The following DLG1 variants were observed in gnomAD, a reference collection of about 807,000 sequenced individuals.
DLG1 encodes the protein discs large MAGUK scaffold protein 1, also known as disks large homolog 1.
DLG1 carries 42 observed loss-of-function variants against 123.4 expected under a neutral mutation model. The ratio of observed to expected loss-of-function variants is 0.34; its 90% confidence interval spans 0.27 to 0.44. The LOEUF is 0.44. Among genes scored for constraint, DLG1 ranks in the 20% least tolerant of loss-of-function variants. DLG1 has a pLI of 1.00. For missense variants in DLG1, 942 were observed against 1,082.6 expected (o/e 0.87, Z 1.82); for synonymous variants, 317 against 356.2 (o/e 0.89, Z 1.24).
At chr3:197,134,620 G>C (rs1243690165) in intron 10 of DLG1, among the ~76,000 whole-genome samples, 1 of 152,196 alleles carries the variant, frequency 6.6e-6, no homozygotes, top group African/African-American at 2.4e-5. Context: ...TTGCTCAGTG[G>C]AGAGTCCTGA....
chr3:197,171,311 T>G (rs562324992), intron 5 of DLG1, among the ~76,000 whole-genome samples: 182 of 152,276 alleles, frequency 1.2e-3, no homozygotes, highest in African/African-American at 4.2e-3. Flanking sequence ...TTTAAATCTG[T>G]TTTTTTATTC....
At chr3:197,205,100 T>C (rs538867183) in intron 4 of DLG1, among the ~76,000 whole-genome samples, 5 of 152,282 alleles carry the variant, frequency 3.3e-5, no homozygotes, top group Admixed American at 2.0e-4. Context: ...GATAAAGCTA[T>C]ACATGTGAAA....
chr3:197,143,993 T>C (rs575826320), intron 6 of DLG1, among the ~76,000 whole-genome samples: 7 of 152,312 alleles, frequency 4.6e-5, no homozygotes, highest in African/African-American at 1.7e-4. Context: ...TCCTTTAAAA[T>C]TTCTCGTGAT....
intron 23 of DLG1, among the ~76,000 whole-genome samples, chr3:197,056,274 T>G (rs1731614704): frequency 6.6e-6 from 1 of 152,190 alleles, no homozygotes; most frequent in Non-Finnish European, 1.5e-5. Flanking sequence ...AACTGATTAG[T>G]TTTTAAATGC....
intron 5 of DLG1, among the ~76,000 whole-genome samples, chr3:197,173,305 G>T (rs1001947860): frequency 6.6e-6 from 1 of 152,144 alleles, no homozygotes; most frequent in South Asian, 2.1e-4. Flanking sequence ...TGATAAAGAT[G>T]ATGATGACCT....
At chr3:197,107,445 T>TGAGGCAGGAGAATGGCGTGAAGCTGG (rs1283654847) in intron 13 of DLG1, among the ~76,000 whole-genome samples, 4 of 152,006 alleles carry the variant, frequency 2.6e-5, no homozygotes, top group Non-Finnish European at 4.4e-5. Context: ...CTTGGGAGGC[T>TGAGGCAGGAGAATGGCGTGAAGCTGG]GAGGCAGGAG....
chr3:197,055,819 C>T (rs13084008), intron 23 of DLG1, among the ~76,000 whole-genome samples: 235 of 152,292 alleles, frequency 1.5e-3, no homozygotes, highest in Non-Finnish European at 2.4e-3. Context: ...TAAGTCACTT[C>T]AGCCTCAAGT....
intron 24 of DLG1, among the ~76,000 whole-genome samples, chr3:197,049,846 T>C (rs1242710193): frequency 2.6e-5 from 4 of 152,118 alleles, no homozygotes; most frequent in African/African-American, 9.7e-5. Flanking sequence ...AACGATTGCT[T>C]GAGCCTAGGA....
At position 197,280,432 on chromosome 3, in the gene DLG1, G is replaced by A. The variant is rs116024268; in HGVS notation, c.318+2247C>T. On this transcript the variant is annotated intron_variant, in intron 4 of 24. Coordinates refer to ENST00000667157, the MANE Select transcript of DLG1 (RefSeq NM_001366207.1). ...ATTGATTTGATATCTTGGCCACTGTGAATAGTGCTGCAATAAACATGGGGG... is the reference window on the plus strand; with the variant it reads ...ATTGATTTGATATCTTGGCCACTGTAAATAGTGCTGCAATAAACATGGGGG... Among the ~76,000 whole-genome samples the A allele has an allele frequency of 1.6e-3, 236 of 152,144 alleles. 2 individuals are homozygous for A. Among genetic ancestry groups the A allele is most frequent in the African/African-American group, 5.4e-3 (226 of 41,508 alleles).
At chr3:197,288,479 C>A (rs1322455807) in intron 3 of DLG1, among the ~76,000 whole-genome samples, 1 of 150,772 alleles carries the variant, frequency 6.6e-6, no homozygotes, top group Admixed American at 6.6e-5. Context: ...CCCAGCACTT[C>A]GAGAGGCTGA....
intron 16 of DLG1, among the ~76,000 whole-genome samples, chr3:197,082,331 C>G (rs965825007): frequency 6.6e-6 from 1 of 152,050 alleles, no homozygotes; most frequent in Non-Finnish European, 1.5e-5. Context: ...GATCATGCCA[C>G]TGCACTCTAT....
intron 5 of DLG1, chr3:197,183,566 G>T: frequency 6.5e-7 from 1 of 1,548,178 alleles, no homozygotes; most frequent in Non-Finnish European, 8.7e-7. Flanking sequence ...TCAACAAGTG[G>T]TATGTTACCT....
chr3:197,065,416 C>G lies in DLG1; in HGVS notation c.2233G>C (p.Asp745His). ...GTCACAAAATGATAATCTCTTCCAT[C>G]TACCTCATAATCTCGTTTTGGTCTA... ...TTRPKRDYEV[D>H]GRDYHFVTSR... is the part of the protein sequence containing the mutation. Residue 745 changes from aspartate (D) to histidine (H), a missense_variant, in exon 22 of 25, where the codon GAT becomes CAT. Coordinates refer to ENST00000667157, the MANE Select transcript of DLG1 (RefSeq NM_001366207.1). 2.5e-6 allele frequency: 4 copies of G among 1,611,828 alleles called. No homozygotes were observed. In the South Asian group the frequency reaches 3.3e-5, roughly 13 times the overall value.
At chr3:197,298,388 C>A in intron 1 of DLG1, 148 bp downstream of exon 1, 1 of 398,046 alleles carries the variant, frequency 2.5e-6, no homozygotes, top group Non-Finnish European at 4.4e-6. Flanking sequence ...ACAGGTGGCC[C>A]GGGGTGGCCC....
intron 4 of DLG1, among the ~76,000 whole-genome samples, chr3:197,228,685 T>C (rs2923679): frequency 0.56 from 85,344 of 151,884 alleles, 24,526 homozygotes; most frequent in East Asian, 0.79. Context: ...GTGGATCTGA[T>C]AGATTTGCAC....
intron 4 of DLG1, among the ~76,000 whole-genome samples, chr3:197,270,291 A>AC (rs762634080): frequency 1.3e-5 from 2 of 152,184 alleles, no homozygotes; most frequent in Non-Finnish European, 2.9e-5. Context: ...TAATATGAGC[A>AC]CCCAAACTTA....
chr3:197,065,948 C>A (rs1278976772), intron 20 of DLG1, 139 bp from the exon 21 acceptor site: 7 of 550,908 alleles, frequency 1.3e-5, no homozygotes, highest in African/African-American at 3.8e-5. Flanking sequence ...TACCATCAAC[C>A]AAAGATGCGT....
chr3:197,188,132 T>C (rs145600921), intron 5 of DLG1, among the ~76,000 whole-genome samples: 86 of 152,324 alleles, frequency 5.6e-4, no homozygotes, highest in South Asian at 5.4e-3. Context: ...TACAGGTCTT[T>C]TAGATTTTGC....
At chr3:197,150,974 T>A (rs1793571004) in intron 5 of DLG1, among the ~76,000 whole-genome samples, 1 of 152,068 alleles carries the variant, frequency 6.6e-6, no homozygotes, top group Admixed American at 6.5e-5. Context: ...AGTCCCACCA[T>A]TAAATAATAG....
Sources: gnomAD v4.1 joint callset for allele counts (sites outside exome capture counted in the v4.1 genomes callset) on GRCh38, gnomAD v4.1.1 for gene constraint, MANE v1.5 for transcripts, NCBI Gene and HGNC (gene_info 2026-07-23, HGNC 2026-07-21) for gene names.